GNAQ: variants seen among roughly 807,000 people sequenced by gnomAD.
GNAQ encodes guanine nucleotide-binding protein G(q) subunit alpha.
In GNAQ, 8 loss-of-function variants were observed where a neutral mutation model predicts 43.9. The observed-to-expected ratio is 0.18, with a 90% CI of 0.11 to 0.33. The LOEUF is 0.33. Among genes scored for constraint, GNAQ ranks in the 10% least tolerant of loss-of-function variants. The pLI is 1.00. For missense variants in GNAQ, 158 were observed against 450.8 expected, an observed-to-expected ratio of 0.35 and a Z score of 5.88; for synonymous variants, 155 against 170.7, an observed-to-expected ratio of 0.91 and a Z score of 0.71.
At chr9:78,030,818 G>A (rs561576944) in intron 1 of GNAQ, among the ~76,000 whole-genome samples, 2 of 152,258 alleles carry the variant, frequency 1.3e-5, no homozygotes, top group African/African-American at 2.4e-5. Context: ...AGCCCTCAGG[G>A]ACACGAAAAG....
intron 5 of GNAQ, among the ~76,000 whole-genome samples, chr9:77,748,046 C>T (rs35241733): frequency 6.6e-6 from 1 of 152,166 alleles, no homozygotes; most frequent in Admixed American, 6.5e-5. Context: ...GAACTGAGTT[C>T]TTAGCCTGGT....
rs143736179 is a variant in GNAQ, at chr9:77,771,010, T to C, written c.735+23453A>G. Among the ~76,000 whole-genome samples the C allele has an allele frequency of 9.8e-5, 15 of 152,334 alleles. No individual in the cohort carries two copies. The East Asian group carries it at 2.5e-3, about 25-fold the overall frequency. Reference sequence around the variant, plus strand: ...TAAAACATTTCACCCAGTTCTTACATAGTTTTTAGTAAGTCGGTTTTTGGA... The same window carrying C: ...TAAAACATTTCACCCAGTTCTTACACAGTTTTTAGTAAGTCGGTTTTTGGA... On this transcript the variant is annotated intron_variant, in intron 5 of 6. Transcript: ENST00000286548.
intron 1 of GNAQ, among the ~76,000 whole-genome samples, chr9:77,960,657 T>C (rs1363584250): frequency 6.6e-6 from 1 of 152,118 alleles, no homozygotes; most frequent in Non-Finnish European, 1.5e-5. Flanking sequence ...CCCCAAATGC[T>C]GGATCATCAA....
Position 77,950,895 on chromosome 9 carries a change from T to C in GNAQ, c.137-28550A>G, listed in dbSNP as rs186108279. ...ATAAAACATAATACTGCGGAGCTGCTAAAAATACTATATTGTCATTGAAAA... is the reference window on the plus strand; with the variant it reads ...ATAAAACATAATACTGCGGAGCTGCCAAAAATACTATATTGTCATTGAAAA... On this transcript the variant is annotated intron_variant, in intron 1 of 6. Transcript: ENST00000286548. Among the ~76,000 whole-genome samples, 52 of 152,238 alleles carry C rather than the reference T, an allele frequency of 3.4e-4. No individual in the cohort carries two copies. In the East Asian group the frequency reaches 8.7e-3, roughly 25 times the overall value.
Position 77,823,167 on chromosome 9 carries a change from C to T in GNAQ, c.322-7397G>A, listed in dbSNP as rs552293707. 2.8e-3 allele frequency among the ~76,000 whole-genome samples: 429 copies of T among 152,190 alleles called. 4 individuals carry two copies. Among genetic ancestry groups the T allele is most frequent in the African/African-American group, 0.01 (419 of 41,546 alleles). ...TGTTAGCCAGGATGGTCTCAATCTC[C>T]TGACCTCATGATCTGCCCATCTCAG... On this transcript the variant is annotated intron_variant, in intron 2 of 6. Coordinates refer to ENST00000286548, the MANE Select transcript of GNAQ (RefSeq NM_002072.5).
chr9:77,783,106 A>G (rs1826421492), intron 5 of GNAQ, among the ~76,000 whole-genome samples: 1 of 152,244 alleles, frequency 6.6e-6, no homozygotes, highest in Non-Finnish European at 1.5e-5. Flanking sequence ...CATCAATCAT[A>G]CAACCTAAAG....
intron 3 of GNAQ, among the ~76,000 whole-genome samples, chr9:77,808,491 A>C (rs2118492138): frequency 6.6e-6 from 1 of 151,834 alleles, no homozygotes; most frequent in Admixed American, 6.6e-5. Context: ...AGAAGAGCAA[A>C]CATATGCAAG....
intron 1 of GNAQ, among the ~76,000 whole-genome samples, chr9:78,028,620 A>C (rs1197420475): frequency 2.6e-5 from 4 of 152,206 alleles, no homozygotes; most frequent in Non-Finnish European, 4.4e-5. Context: ...ATTCCTCCAT[A>C]AACTAGTTAA....
At chr9:77,778,232 C>A (rs1455656104) in intron 5 of GNAQ, among the ~76,000 whole-genome samples, 2 of 151,426 alleles carry the variant, frequency 1.3e-5, no homozygotes, top group African/African-American at 2.4e-5. Flanking sequence ...CACACACACA[C>A]ACACACACAC....
intron 1 of GNAQ, among the ~76,000 whole-genome samples, chr9:78,008,569 TATTTCATTTCATTTC>T (rs201289708): frequency 0.054 from 7,884 of 146,942 alleles, 336 homozygotes; most frequent in African/African-American, 0.11. Flanking sequence ...ACTATCGATT[TATTTCATTTCATTTC>T]ATTTCATTTC....
At chr9:77,730,634 C>A (rs140355074) in intron 5 of GNAQ, among the ~76,000 whole-genome samples, 19 of 152,204 alleles carry the variant, frequency 1.2e-4, no homozygotes, top group Non-Finnish European at 2.4e-4. Flanking sequence ...ATAAAATATG[C>A]GGGCTGATAT....
chr9:77,854,570 C>G, intron 2 of GNAQ, among the ~76,000 whole-genome samples: 1 of 152,198 alleles, frequency 6.6e-6, no homozygotes, highest in African/African-American at 2.4e-5. Context: ...AGAAACAAAT[C>G]AGCAAGATGT....
At position 77,794,446 on chromosome 9, in the gene GNAQ, G is replaced by A. The variant is rs1370602434; in HGVS notation, c.735+17C>T. ...ATAATAAAATGATAATCCATTGCCT[G>A]TCTAAAGAACACTTACCTCATTGTC... is the stretch of plus-strand genomic sequence containing the variant. On this transcript the variant is annotated intron_variant, in intron 5 of 6. Transcript: ENST00000286548. 1.3e-6 allele frequency: 2 copies of A among 1,554,836 alleles called. No homozygotes were observed. The highest frequency in any genetic ancestry group is 1.4e-5 in the African/African-American group (1 of 73,556).
At chr9:77,815,822 C>G (rs755983891) in intron 2 of GNAQ, 52 bp from the exon 3 acceptor site, 4 of 1,293,786 alleles carry the variant, frequency 3.1e-6, no homozygotes, top group South Asian at 1.3e-5. Context: ...TCCAAATTTT[C>G]TTTGCTTTGC....
intron 5 of GNAQ, among the ~76,000 whole-genome samples, chr9:77,732,448 C>T (rs1478793421): frequency 3.3e-5 from 5 of 151,910 alleles, no homozygotes; most frequent in Non-Finnish European, 5.9e-5. Context: ...TCACTGCAAC[C>T]TCTGCCTCCT....
Position 77,840,385 on chromosome 9 carries a change from G to T in GNAQ, c.322-24615C>A, listed in dbSNP as rs564323615. Reference sequence around the variant, plus strand: ...TTTTTTTTTAGACGGAGTCGGAGTCGGAGTACAGTGGCATAATCTTGGCTC... The same window carrying T: ...TTTTTTTTTAGACGGAGTCGGAGTCTGAGTACAGTGGCATAATCTTGGCTC... On this transcript the variant is annotated intron_variant, in intron 2 of 6. Coordinates refer to ENST00000286548, the MANE Select transcript of GNAQ (RefSeq NM_002072.5). Among the ~76,000 whole-genome samples the T allele has an allele frequency of 1.0e-4, 15 of 149,254 alleles. No individual in the cohort carries two copies. The Admixed American group carries it at 1.0e-3, about 10-fold the overall frequency.
intron 1 of GNAQ, among the ~76,000 whole-genome samples, chr9:78,003,575 G>A (rs560513772): frequency 3.3e-5 from 5 of 152,238 alleles, no homozygotes; most frequent in African/African-American, 1.2e-4. Flanking sequence ...AGCATTTTGG[G>A]AGGCCGAGGC....
intron 1 of GNAQ, among the ~76,000 whole-genome samples, chr9:77,957,498 A>T (rs1440958730): frequency 6.6e-6 from 1 of 152,236 alleles, no homozygotes; most frequent in Non-Finnish European, 1.5e-5. Flanking sequence ...AGGAAGGCGC[A>T]GAATCACCTT....
At chr9:77,744,727 T>G (rs904777903) in intron 5 of GNAQ, among the ~76,000 whole-genome samples, 3 of 152,148 alleles carry the variant, frequency 2.0e-5, no homozygotes, top group Non-Finnish European at 2.9e-5. Context: ...ATGCTACTAT[T>G]AGTAGGTACT....
Sources: allele counts gnomAD v4.1 joint callset (sites outside exome capture counted in the v4.1 genomes callset), GRCh38; gene constraint gnomAD v4.1.1; transcripts MANE v1.5; gene names NCBI Gene and HGNC (gene_info 2026-07-23, HGNC 2026-07-21).